The following AGBL5 variants were observed in gnomAD, a reference collection of about 807,000 sequenced individuals.
AGBL5 encodes AGBL carboxypeptidase 5.
Under a neutral mutation model 88.0 loss-of-function variants are expected in AGBL5, and 51 were observed. The observed-to-expected ratio is 0.58, with a 90% CI of 0.46 to 0.73. The LOEUF (loss-of-function observed/expected upper bound fraction) is 0.73, where lower values mean the gene tolerates loss of function less well. Ranked by LOEUF, AGBL5 falls within the 30% of genes least tolerant of loss-of-function variation. The probability of loss-of-function intolerance (pLI) is 0.00; values close to 1 mark genes in which losing one functional copy is unlikely to be tolerated. For missense variants in AGBL5, 1,031 were observed against 1,162.2 expected (o/e 0.89, Z 1.64); for synonymous variants, 446 against 438.8 (o/e 1.02, Z -0.21).
In AGBL5 at chr2:27,053,768, A is replaced by C; in HGVS notation, c.388-128A>C. The C allele has an allele frequency of 7.1e-7, 1 of 1,415,172 alleles. No individual in the cohort carries two copies. The highest frequency in any genetic ancestry group is 9.5e-7 in the Non-Finnish European group (1 of 1,048,450). The allele number at this position is 1,415,172 out of a possible 1,614,324, so 87.7% of individuals were successfully genotyped here. ...GCCTAGAAGGAGCCACTTTTCATAT[A>C]GAAAGTGTCACAGGGAGGGAAGTTG... On this transcript the variant is annotated intron_variant, in intron 3 of 14. Coordinates refer to ENST00000360131, the MANE Select transcript of AGBL5 (RefSeq NM_021831.6). This position sits in a 1 kb window ranked among gnomAD's most constrained non-coding sequence, Gnocchi z 4.9.
At position 27,053,900 on chromosome 2, in the gene AGBL5, CAG is replaced by C. The variant is rs1317394642; in HGVS notation, c.396_397del (p.Glu132AspfsTer31). The C allele has an allele frequency of 6.2e-7, 1 of 1,612,490 alleles. No individual in the cohort carries two copies. Among genetic ancestry groups the C allele is most frequent in the Non-Finnish European group, 8.5e-7 (1 of 1,179,016 alleles). ...TCTTCCTCCTCTGCTCTTCAGATGACAGAGACGCAGTTTGTGTTATCCTTTGT... is the reference window on the plus strand; with the variant it reads ...TCTTCCTCCTCTGCTCTTCAGATGACAGACGCAGTTTGTGTTATCCTTTGT... On this transcript the variant is annotated frameshift_variant, in exon 4 of 15. Transcript: ENST00000360131. LOFTEE classifies it high-confidence loss of function. This position sits in a 1 kb window ranked among gnomAD's most constrained non-coding sequence, Gnocchi z 4.9.
At position 27,056,033 on chromosome 2, in the gene AGBL5, C is replaced by A. The variant is rs1193294750; in HGVS notation, c.1260C>A (p.Ile420=). ...AGLEESAPDT[I]PPKESGVAYY... is the part of the protein sequence containing the mutation. ...TTGAAGAGTCAGCCCCTGATACCAT[C>A]CCCCCCAAAGAGAGTGGCGTTGCTT... Residue 420 remains isoleucine, a synonymous_variant, in exon 7 of 15, where the codon ATC becomes ATA. Transcript: ENST00000360131. 2 of 1,614,010 alleles carry A rather than the reference C, an allele frequency of 1.2e-6. No individual in the cohort carries two copies. Among genetic ancestry groups the A allele is most frequent in the Admixed American group, 1.7e-5 (1 of 59,988 alleles).
rs1572814591 is a variant in AGBL5, at chr2:27,054,720, T to C, written c.642T>C (p.His214=). ...ATCTGCTGACGATCACTTCCTGCCA[T>C]GGGCTTCGAGAAGATCGAGAGCCCC... ...RVDLLTITSC[H]GLREDREPRL... Residue 214 remains histidine (H), a synonymous_variant, in exon 5 of 15, where the codon CAT becomes CAC. Transcript: ENST00000360131. 6.5e-7 allele frequency: 1 copy of C among 1,549,316 alleles called. No individual in the cohort carries two copies. Among genetic ancestry groups the C allele is most frequent in the Non-Finnish European group, 8.7e-7 (1 of 1,146,642 alleles).
rs757578071 is a variant in AGBL5 at position 27,070,257 on chromosome 2, G to T, written c.2655G>T (p.Arg885=). Residue 885 remains arginine (R), a synonymous_variant, in exon 15 of 15, where the codon CGG becomes CGT. Coordinates refer to ENST00000360131, the MANE Select transcript of AGBL5 (RefSeq NM_021831.6). ...CTCCCCCACTGACTGTTTCTCCCCGGGTCTGATAATGCCTTTATGTTCAAG... is the reference window on the plus strand; with the variant it reads ...CTCCCCCACTGACTGTTTCTCCCCGTGTCTGATAATGCCTTTATGTTCAAG... The part of the protein sequence containing the change: ...PKSPPLTVSP[R]V 4 of 1,614,152 alleles carry T rather than the reference G, an allele frequency of 2.5e-6. No homozygotes were observed. The highest frequency in any genetic ancestry group is 3.4e-6 in the Non-Finnish European group (4 of 1,180,002).
chr2:27,058,553 G>A lies in AGBL5; in HGVS notation c.1825G>A (p.Val609Met), dbSNP rs753418591. ...CCGAGGCCTAAGCAGCACTCTGAAT[G>A]TGGGTGTCAACAAGAAGAGGGGCCT... is the stretch of plus-strand genomic sequence containing the variant. ...NSRGLSSTLN[V>M]GVNKKRGLRT... Residue 609 changes from valine to methionine, a missense_variant, in exon 10 of 15, where the codon GTG becomes ATG. This residue lies in a region of AGBL5 where 491 missense variants were observed against 484.0 expected (regional missense o/e 1.01). Transcript: ENST00000360131. The A allele has an allele frequency of 2.9e-5, 47 of 1,614,082 alleles. No homozygotes were observed. The highest frequency in any genetic ancestry group is 3.8e-5 in the Non-Finnish European group (45 of 1,180,050).
At chr2:27,059,586 C>A (rs1355251562) in intron 11 of AGBL5, 182 bp downstream of exon 11, 2 of 1,413,534 alleles carry the variant, frequency 1.4e-6, no homozygotes, top group African/African-American at 2.9e-5. Context: ...GATTCCAGAG[C>A]GGTATTGTGT....
At position 27,053,883 on chromosome 2, in the gene AGBL5, C is replaced by T. The variant is rs1320196525; in HGVS notation, c.388-13C>T. The T allele has an allele frequency of 6.2e-7, 1 of 1,608,154 alleles. No individual in the cohort carries two copies. Reference sequence around the variant, plus strand: ...GGCATGTTGCCCCTCCCTCTTCCTCCTCTGCTCTTCAGATGACAGAGACGC... The same window carrying T: ...GGCATGTTGCCCCTCCCTCTTCCTCTTCTGCTCTTCAGATGACAGAGACGC... On this transcript the variant is annotated splice_polypyrimidine_tract_variant and intron_variant, in intron 3 of 14. Transcript: ENST00000360131. The surrounding 1 kb of genome is among the most constrained non-coding windows in gnomAD (Gnocchi z 4.9).
Position 27,059,297 on chromosome 2 carries a change from T to C in AGBL5, c.1982T>C (p.Met661Thr), listed in dbSNP as rs1209630241. The C allele has an allele frequency of 2.5e-6, 4 of 1,614,158 alleles. No individual in the cohort carries two copies. The highest frequency in any genetic ancestry group is 4.5e-5 in the East Asian group (2 of 44,874). ...SSSSQQNSPQ[M>T]KNSPSFPFHG... Reference sequence around the variant, plus strand: ...AGCAGCCAACAAAATTCTCCACAGATGAAGAATTCCCCCAGCTTTCCTTTT... The same window carrying C: ...AGCAGCCAACAAAATTCTCCACAGACGAAGAATTCCCCCAGCTTTCCTTTT... Residue 661 changes from methionine to threonine, a missense_variant, in exon 11 of 15, where the codon ATG (methionine) becomes ACG (threonine). Physicochemically the swap from Met to Thr is moderately conservative, Grantham distance 81. Coordinates refer to ENST00000360131, the MANE Select transcript of AGBL5 (RefSeq NM_021831.6).
rs535101915 is a variant in AGBL5 at position 27,055,901 on chromosome 2, G to A, written c.1128G>A (p.Gln376=). 2.1e-5 allele frequency: 34 copies of A among 1,614,204 alleles called. No individual in the cohort carries two copies. The highest frequency in any genetic ancestry group is 2.7e-5 in the Non-Finnish European group (32 of 1,180,042). The change falls in exon 7 of 15, where the codon CAG becomes CAA. Residue 376 remains glutamine (Q), a synonymous_variant. Coordinates refer to ENST00000360131, the MANE Select transcript of AGBL5 (RefSeq NM_021831.6). The part of the protein sequence containing the change: ...EKANNLQNEA[Q]CGHSADRHNA... ...CCAACAATCTCCAAAATGAAGCTCA[G>A]TGTGGGCACTCAGCTGACAGGCATA...
At chr2:27,063,828 G>T (rs1173766379) in intron 11 of AGBL5, among the ~76,000 whole-genome samples, 1 of 152,134 alleles carries the variant, frequency 6.6e-6, no homozygotes, top group East Asian at 1.9e-4. Context: ...TCTCCCCTCA[G>T]ACCTCTTAGA....
In AGBL5 at chr2:27,056,722, C is replaced by CATACAT. The variant is rs1382422256; in HGVS notation, c.1465_1466insATACAT (p.Arg489delinsHisThrCys). On this transcript the variant is annotated protein_altering_variant, in exon 8 of 15. Transcript: ENST00000360131. ...AGAGAAGAATATGTATGCCCGAGAC[C>CATACAT]GTAGAGATGGCCAGTCTAAAGAGGG... 6.2e-7 allele frequency: 1 copy of CATACAT among 1,613,578 alleles called. No homozygotes were observed. The highest frequency in any genetic ancestry group is 8.5e-7 in the Non-Finnish European group (1 of 1,179,770).
chr2:27,068,727 A>G lies in AGBL5; in HGVS notation c.2338A>G (p.Ile780Val), dbSNP rs1338568016. 13 of 1,613,994 alleles carry G rather than the reference A, an allele frequency of 8.1e-6. No individual in the cohort carries two copies. The highest frequency in any genetic ancestry group is 1.7e-5 in the Admixed American group (1 of 60,000). Residue 780 changes from isoleucine to valine, a missense_variant, in exon 13 of 15, where the codon ATC (isoleucine) becomes GTC (valine). Around this residue, in one of 2 missense-constraint regions of AGBL5, gnomAD observed 491 missense variants for 484.0 expected, o/e 1.01. Coordinates refer to ENST00000360131, the MANE Select transcript of AGBL5 (RefSeq NM_021831.6). Reference sequence around the variant, plus strand: ...AGGGACTGGAGCTCGGATGCCCTGCATCAAGACTCGATTGCAGGTAATATT... The same window carrying G: ...AGGGACTGGAGCTCGGATGCCCTGCGTCAAGACTCGATTGCAGGTAATATT... The part of the protein sequence containing the change: ...LLGTGARMPC[I>V]KTRLQARPRL...
intron 11 of AGBL5, among the ~76,000 whole-genome samples, chr2:27,065,700 T>C (rs1285667398): frequency 6.6e-6 from 1 of 152,114 alleles, no homozygotes; most frequent in African/African-American, 2.4e-5. Context: ...AGGATGAAGG[T>C]AATGAGAAGA....
chr2:27,053,291 C>T lies in AGBL5; in HGVS notation c.216-111C>T, dbSNP rs1668267244. On this transcript the variant is annotated intron_variant, in intron 2 of 14. Transcript: ENST00000360131. This position sits in a 1 kb window ranked among gnomAD's most constrained non-coding sequence, Gnocchi z 4.9. ...GTCCATTTCTGACCCATCGTCCCTC[C>T]TTTCTCCTTGCCAAATAGCCCTTTC... 2 of 1,530,248 alleles carry T rather than the reference C, an allele frequency of 1.3e-6. No individual in the cohort carries two copies. The highest frequency in any genetic ancestry group is 1.3e-5 in the South Asian group (1 of 78,858). 94.8% of individuals were successfully genotyped at this position (1,530,248 alleles called of 1,614,324 possible). A position where few individuals can be genotyped will look rare whatever the true frequency, so the allele number is the denominator to read the frequency against.
intron 12 of AGBL5, 199 bp downstream of exon 12, chr2:27,067,845 C>T (rs1218783157): frequency 2.9e-6 from 2 of 681,460 alleles, no homozygotes; most frequent in East Asian, 2.8e-5. Context: ...ATTTACTGAA[C>T]ATTTACTATG....
chr2:27,067,378 G>C, intron 11 of AGBL5, 116 bp from the exon 12 acceptor site: 1 of 1,001,124 alleles, frequency 1.0e-6, no homozygotes. Context: ...ATGTGGGTCT[G>C]ATGACAAGCT....
In AGBL5 at chr2:27,056,344, G is replaced by A. The variant is rs190214871; in HGVS notation, c.1365+206G>A. The A allele has an allele frequency of 2.1e-4, 130 of 632,388 alleles. No homozygotes were observed. In the African/African-American group the frequency reaches 2.2e-3, roughly 11 times the overall value. 39.2% of individuals were successfully genotyped at this position (632,388 alleles called of 1,614,324 possible). A position where few individuals can be genotyped will look rare whatever the true frequency, so the allele number is the denominator to read the frequency against. On this transcript the variant is annotated intron_variant, in intron 7 of 14. Coordinates refer to ENST00000360131, the MANE Select transcript of AGBL5 (RefSeq NM_021831.6). ...TTGTTACATCATGACCTTTTATTAA[G>A]GAAAGCTAACTGCATTATAGTCTGC...
chr2:27,070,313 G>A lies in AGBL5; in HGVS notation c.*50G>A. On this transcript the variant is annotated 3_prime_UTR_variant, in exon 15 of 15. Coordinates refer to ENST00000360131, the MANE Select transcript of AGBL5 (RefSeq NM_021831.6). ...GATATAGCCCCAAGATGGGGTAACAGTGGGAAATATGCTAGTTCCCCTCCA... is the reference window on the plus strand; with the variant it reads ...GATATAGCCCCAAGATGGGGTAACAATGGGAAATATGCTAGTTCCCCTCCA... 2 of 1,585,868 alleles carry A rather than the reference G, an allele frequency of 1.3e-6. No individual in the cohort carries two copies. Among genetic ancestry groups the A allele is most frequent in the South Asian group, 2.2e-5 (2 of 90,080 alleles).
At chr2:27,052,708 A>G (rs1211600989) in intron 1 of AGBL5, among the ~76,000 whole-genome samples, 1 of 152,190 alleles carries the variant, frequency 6.6e-6, no homozygotes, top group Non-Finnish European at 1.5e-5. Flanking sequence ...CCTTTAGGTC[A>G]TTTACAACCC....
Sources: allele counts gnomAD v4.1 joint callset (sites outside exome capture counted in the v4.1 genomes callset), GRCh38; gene constraint gnomAD v4.1.1; regional missense constraint gnomAD v4.1.1; non-coding constraint Gnocchi (gnomAD v3.1); transcripts MANE v1.5; gene names NCBI Gene and HGNC (gene_info 2026-07-23, HGNC 2026-07-21).